Variants in CFAP77 observed in about 807,000 individuals in gnomAD.
The protein encoded by CFAP77 is cilia and flagella associated protein 77, also known as cilia- and flagella-associated protein 77.
CFAP77 carries 25 observed loss-of-function variants against 31.1 expected under a neutral mutation model. The ratio of observed to expected loss-of-function variants is 0.80; its 90% confidence interval spans 0.59 to 1.12. The LOEUF (loss-of-function observed/expected upper bound fraction) is 1.12, where lower values mean the gene tolerates loss of function less well. CFAP77 is among the 50% of genes most tolerant of loss of function. The pLI, the probability that CFAP77 is intolerant of heterozygous loss-of-function variation, is 0.00. For synonymous variants in CFAP77, 151 were observed against 159.9 expected, an observed-to-expected ratio of 0.94 and a Z score of 0.42; for missense variants, 377 against 397.3, an observed-to-expected ratio of 0.95 and a Z score of 0.44.
chr9:132,547,778 A>G (rs1284034930), intron 5 of CFAP77, among the ~76,000 whole-genome samples: 1 of 152,136 alleles, frequency 6.6e-6, no homozygotes, highest in African/African-American at 2.4e-5. Context: ...CACTCCCATA[A>G]CAATAGCCCC....
chr9:132,569,461 A>G (rs1235026265), intron 5 of CFAP77, among the ~76,000 whole-genome samples: 1 of 152,198 alleles, frequency 6.6e-6, no homozygotes, highest in Non-Finnish European at 1.5e-5. Flanking sequence ...TTGTAACAAC[A>G]TGGATAGTTG....
At chr9:132,515,696 C>T (rs1374628271) in intron 3 of CFAP77, among the ~76,000 whole-genome samples, 1 of 152,124 alleles carries the variant, frequency 6.6e-6, no homozygotes, top group Non-Finnish European at 1.5e-5. Flanking sequence ...CCCCTTTCTG[C>T]AGCGAGCAGA....
intron 3 of CFAP77, among the ~76,000 whole-genome samples, chr9:132,519,731 G>T (rs1185081784): frequency 6.8e-6 from 1 of 147,400 alleles, no homozygotes; most frequent in Non-Finnish European, 1.5e-5. Flanking sequence ...TGAATGGATG[G>T]GTGGATGGAT....
intron 5 of CFAP77, among the ~76,000 whole-genome samples, chr9:132,561,444 C>G (rs533412770): frequency 1.3e-5 from 2 of 151,812 alleles, no homozygotes; most frequent in African/African-American, 2.4e-5. Context: ...AGGGGACCTT[C>G]GTGTGGCCAG....
At chr9:132,494,114 A>C (rs911461433) in intron 1 of CFAP77, among the ~76,000 whole-genome samples, 2 of 151,978 alleles carry the variant, frequency 1.3e-5, no homozygotes, top group Admixed American at 6.6e-5. Flanking sequence ...GTTTTGCTAT[A>C]TTGCCCAGGA....
At chr9:132,540,457 G>A (rs2119061357) in intron 4 of CFAP77, among the ~76,000 whole-genome samples, 1 of 152,260 alleles carries the variant, frequency 6.6e-6, no homozygotes, top group Non-Finnish European at 1.5e-5. Flanking sequence ...ATTAAACAAG[G>A]CCCCACCATA....
At chr9:132,415,594 G>C (rs543936220) in intron 1 of CFAP77, among the ~76,000 whole-genome samples, 1 of 152,216 alleles carries the variant, frequency 6.6e-6, no homozygotes, top group Non-Finnish European at 1.5e-5. Flanking sequence ...AGAACACTGC[G>C]GTGGCGTGGC....
chr9:132,425,592 A>T (rs780554196), intron 1 of CFAP77, among the ~76,000 whole-genome samples: 5 of 152,096 alleles, frequency 3.3e-5, no homozygotes, highest in Non-Finnish European at 7.4e-5. Context: ...TTCCCCCCCG[A>T]AATTGCAGTT....
At position 132,572,613 on chromosome 9, in the gene CFAP77, G is replaced by T; in HGVS notation, c.*103G>T. ...CCTGACATTCCCCCATTTTTATGCA[G>T]GTTCTGCTTCAAGGAGCTCAGATTC... On this transcript the variant is annotated 3_prime_UTR_variant, in exon 6 of 6. Coordinates refer to ENST00000393216, the MANE Select transcript of CFAP77 (RefSeq NM_001282957.2). 1 of 1,213,136 alleles carries T rather than the reference G, an allele frequency of 8.2e-7. No homozygotes were observed. Among genetic ancestry groups the T allele is most frequent in the Non-Finnish European group, 1.1e-6 (1 of 881,314 alleles). The allele number at this position is 1,213,136 out of a possible 1,614,324, so 75.1% of individuals were successfully genotyped here.
intron 1 of CFAP77, among the ~76,000 whole-genome samples, chr9:132,458,621 G>T (rs1462590907): frequency 6.6e-6 from 1 of 152,128 alleles, no homozygotes; most frequent in African/African-American, 2.4e-5. Flanking sequence ...GGAACTTTCT[G>T]GAGGGAGCTC....
At chr9:132,544,490 ATTTTTT>A (rs57022259) in intron 5 of CFAP77, among the ~76,000 whole-genome samples, 35 of 111,870 alleles carry the variant, frequency 3.1e-4, no homozygotes, top group African/African-American at 1.1e-3. Flanking sequence ...CTCACTGCCT[ATTTTTT>A]TTTTTTTTTT....
intron 1 of CFAP77, among the ~76,000 whole-genome samples, chr9:132,471,785 C>T (rs372416173): frequency 6.6e-6 from 1 of 152,044 alleles, no homozygotes; most frequent in Non-Finnish European, 1.5e-5. Context: ...AATGCAGCCT[C>T]GAACCCCTGG....
rs866138803 is a variant in CFAP77 at position 132,455,913 on chromosome 9, G to A, written c.196-42782G>A. Reference sequence around the variant, plus strand: ...ACACAGACCCGAGTTCTCATCCAGCGTCAGCCACTTATTAGCTGTATAACC... The same window carrying A: ...ACACAGACCCGAGTTCTCATCCAGCATCAGCCACTTATTAGCTGTATAACC... On this transcript the variant is annotated intron_variant, in intron 1 of 5. Coordinates refer to ENST00000393216, the MANE Select transcript of CFAP77 (RefSeq NM_001282957.2). The surrounding 1 kb of genome is among the most constrained non-coding windows in gnomAD (Gnocchi z 4.1). 2.0e-4 allele frequency among the ~76,000 whole-genome samples: 30 copies of A among 152,300 alleles called. No individual in the cohort carries two copies. Among genetic ancestry groups the A allele is most frequent in the African/African-American group, 6.3e-4 (26 of 41,560 alleles).
chr9:132,490,569 C>T lies in CFAP77; in HGVS notation c.196-8126C>T, dbSNP rs1589883175. Reference sequence around the variant, plus strand: ...CCACTGGACAAGCTGGGGAGGGAGGCCAAGGGTCAGCGCTGGGCACTCCCA... The same window carrying T: ...CCACTGGACAAGCTGGGGAGGGAGGTCAAGGGTCAGCGCTGGGCACTCCCA... On this transcript the variant is annotated intron_variant, in intron 1 of 5. Coordinates refer to ENST00000393216, the MANE Select transcript of CFAP77 (RefSeq NM_001282957.2). This position sits in a 1 kb window ranked among gnomAD's most constrained non-coding sequence, Gnocchi z 4.6. Among the ~76,000 whole-genome samples, 1 of 152,270 alleles carries T rather than the reference C, an allele frequency of 6.6e-6. No individual in the cohort carries two copies. The highest frequency in any genetic ancestry group is 2.4e-5 in the African/African-American group (1 of 41,548).
At chr9:132,454,533 C>G (rs1177138374) in intron 1 of CFAP77, among the ~76,000 whole-genome samples, 3 of 152,168 alleles carry the variant, frequency 2.0e-5, no homozygotes, top group African/African-American at 4.8e-5. Context: ...ATCGGCATCT[C>G]TGATATTGTT....
At chr9:132,563,519 C>T (rs991852364) in intron 5 of CFAP77, among the ~76,000 whole-genome samples, 5 of 152,178 alleles carry the variant, frequency 3.3e-5, no homozygotes, top group Admixed American at 6.5e-5. Context: ...ACCCTTCATC[C>T]GAGCAGGCCC....
intron 3 of CFAP77, among the ~76,000 whole-genome samples, chr9:132,521,922 G>A (rs149911336): frequency 1.4e-4 from 21 of 152,018 alleles, no homozygotes; most frequent in Non-Finnish European, 2.5e-4. Flanking sequence ...CCACCATGCC[G>A]AACTAATTTT....
At chr9:132,470,725 G>A (rs970151175) in intron 1 of CFAP77, among the ~76,000 whole-genome samples, 1 of 152,258 alleles carries the variant, frequency 6.6e-6, no homozygotes, top group African/African-American at 2.4e-5. Context: ...ATTATTTAAT[G>A]TGGCCGGGCA....
At chr9:132,438,519 G>GTATATATATATATATATATATATA (rs34631762) in intron 1 of CFAP77, among the ~76,000 whole-genome samples, 1 of 116,704 alleles carries the variant, frequency 8.6e-6, no homozygotes, top group African/African-American at 3.4e-5. Context: ...AACAGATATG[G>GTATATATATATATATATATATATA]TATATATATA....
Sources: allele counts gnomAD v4.1 joint callset (sites outside exome capture counted in the v4.1 genomes callset), GRCh38; gene constraint gnomAD v4.1.1; non-coding constraint Gnocchi (gnomAD v3.1); transcripts MANE v1.5; gene names NCBI Gene and HGNC (gene_info 2026-07-23, HGNC 2026-07-21).